Variants in USP13 observed in about 807,000 individuals in gnomAD.
USP13 encodes ubiquitin specific peptidase 13, also known as ubiquitin carboxyl-terminal hydrolase 13.
Under a neutral mutation model 107.8 loss-of-function variants are expected in USP13, and 68 were observed. The observed-to-expected ratio is 0.63, with a 90% confidence interval of 0.52 to 0.77. The LOEUF (loss-of-function observed/expected upper bound fraction) is 0.77, where lower values mean the gene tolerates loss of function less well. Ranked by LOEUF, USP13 falls within the 30% of genes least tolerant of loss-of-function variation. The pLI, the probability that USP13 is intolerant of heterozygous loss-of-function variation, is 0.00. For missense variants in USP13, 945 were observed against 1,093.3 expected, an observed-to-expected ratio of 0.86 and a Z score of 1.91; for synonymous variants, 377 against 389.5, an observed-to-expected ratio of 0.97 and a Z score of 0.38.
intron 10 of USP13, among the ~76,000 whole-genome samples, chr3:179,739,660 C>T (rs1054952275): frequency 2.6e-5 from 4 of 152,070 alleles, no homozygotes; most frequent in Admixed American, 6.5e-5. Flanking sequence ...CGGGTTCAAG[C>T]GATTTTCCTG....
chr3:179,733,468 T>C (rs753105611), intron 10 of USP13, among the ~76,000 whole-genome samples: 84 of 152,220 alleles, frequency 5.5e-4, no homozygotes, highest in Non-Finnish European at 9.0e-4. Context: ...AAGGAATTAG[T>C]TTCTCAGGCA....
At chr3:179,774,701 T>C (rs1237080359) in intron 19 of USP13, among the ~76,000 whole-genome samples, 1 of 152,194 alleles carries the variant, frequency 6.6e-6, no homozygotes, top group Non-Finnish European at 1.5e-5. Flanking sequence ...TTCCACAGTT[T>C]GGAAGGGGAC....
chr3:179,653,484 T>G lies in USP13; in HGVS notation c.168+91T>G, dbSNP rs1413003921. 3 of 1,472,902 alleles carry G rather than the reference T, an allele frequency of 2.0e-6. No homozygotes were observed. The African/African-American group carries it at 4.3e-5, about 21-fold the overall frequency. The allele number at this position is 1,472,902 out of a possible 1,614,324, so 91.2% of individuals were successfully genotyped here. ...AAGATGCGCAGTGGCGGCCGGGACC[T>G]CTTCTCTTCCTCCGGGCGGCAGAGT... On this transcript the variant is annotated intron_variant, in intron 1 of 20. Transcript: ENST00000263966. This position sits in a 1 kb window ranked among gnomAD's most constrained non-coding sequence, Gnocchi z 4.0.
At chr3:179,685,726 A>C (rs886846664) in intron 2 of USP13, among the ~76,000 whole-genome samples, 2 of 152,036 alleles carry the variant, frequency 1.3e-5, no homozygotes, top group Non-Finnish European at 2.9e-5. Flanking sequence ...ATGCTGGTAA[A>C]CTTGTACAGT....
chr3:179,725,959 A>G (rs1713498372), intron 8 of USP13, among the ~76,000 whole-genome samples: 2 of 152,194 alleles, frequency 1.3e-5, no homozygotes, highest in Non-Finnish European at 2.9e-5. Context: ...GGTCCCTCCC[A>G]CCACACATGG....
At chr3:179,727,235 A>G (rs1713559499) in intron 8 of USP13, among the ~76,000 whole-genome samples, 1 of 136,924 alleles carries the variant, frequency 7.3e-6, no homozygotes. Context: ...GCAGGGTCAC[A>G]GGACAATAGT....
At chr3:179,667,273 A>G (rs564387134) in intron 1 of USP13, among the ~76,000 whole-genome samples, 1 of 152,066 alleles carries the variant, frequency 6.6e-6, no homozygotes, top group Admixed American at 6.5e-5. Flanking sequence ...TTTGATGGGA[A>G]CTCTGTTCTG....
chr3:179,720,182 C>A, intron 7 of USP13, 148 bp downstream of exon 7: 1 of 527,758 alleles, frequency 1.9e-6, no homozygotes, highest in Non-Finnish European at 3.1e-6. Flanking sequence ...GCATTTACTT[C>A]TTGCATTTAA....
At chr3:179,682,856 T>C (rs1711713877) in intron 2 of USP13, among the ~76,000 whole-genome samples, 1 of 152,174 alleles carries the variant, frequency 6.6e-6, no homozygotes, top group South Asian at 2.1e-4. Context: ...CAGGCTCATG[T>C]TATGCTTATC....
chr3:179,686,416 G>C (rs1347447460), intron 2 of USP13, among the ~76,000 whole-genome samples: 1 of 152,064 alleles, frequency 6.6e-6, no homozygotes, highest in Non-Finnish European at 1.5e-5. Context: ...ACTCCGTCTT[G>C]ACAAAAAATA....
intron 6 of USP13, among the ~76,000 whole-genome samples, chr3:179,717,711 G>A (rs1017671857): frequency 1.1e-4 from 17 of 152,222 alleles, no homozygotes; most frequent in Admixed American, 1.0e-3. Context: ...CCTTGTCATA[G>A]ATTAAAAATA....
intron 10 of USP13, among the ~76,000 whole-genome samples, chr3:179,734,942 GTGTC>G (rs1713938008): frequency 6.6e-6 from 1 of 152,194 alleles, no homozygotes; most frequent in African/African-American, 2.4e-5. Context: ...ATGGTGGACT[GTGTC>G]TGGCTGTCTG....
At chr3:179,666,560 G>C (rs1386393453) in intron 1 of USP13, among the ~76,000 whole-genome samples, 1 of 152,142 alleles carries the variant, frequency 6.6e-6, no homozygotes, top group Non-Finnish European at 1.5e-5. Context: ...TGTCAATCTG[G>C]AGTGGCCACT....
At chr3:179,668,918 G>A (rs995423753) in intron 1 of USP13, among the ~76,000 whole-genome samples, 7 of 152,184 alleles carry the variant, frequency 4.6e-5, no homozygotes, top group Non-Finnish European at 8.8e-5. Flanking sequence ...CTCTAGAAGC[G>A]AGAATATACT....
intron 3 of USP13, among the ~76,000 whole-genome samples, chr3:179,697,093 GCCA>G (rs773300653): frequency 9.2e-5 from 14 of 152,130 alleles, no homozygotes; most frequent in Non-Finnish European, 2.1e-4. Context: ...CTTCCAAGGA[GCCA>G]CCACTTCACC....
intron 6 of USP13, among the ~76,000 whole-genome samples, chr3:179,716,527 T>C (rs1713118457): frequency 6.6e-6 from 1 of 152,220 alleles, no homozygotes; most frequent in Admixed American, 6.5e-5. Context: ...CTGAATACGA[T>C]GAATGAGTGA....
rs533512365 is a variant in USP13, at chr3:179,670,584, C to T, written c.169-11294C>T. Among the ~76,000 whole-genome samples, 15 of 152,294 alleles carry T rather than the reference C, an allele frequency of 9.8e-5. No homozygotes were observed. The South Asian group carries it at 2.5e-3, about 25-fold the overall frequency. The stretch of plus-strand genomic sequence containing the variant: ...TCCCTGAGGTTACACGCCGTATCAC[C>T]TCTATTTTACTTGTTCCTGAATTTC... On this transcript the variant is annotated intron_variant, in intron 1 of 20. Coordinates refer to ENST00000263966, the MANE Select transcript of USP13 (RefSeq NM_003940.3).
At chr3:179,751,305 A>G (rs1458028168) in intron 13 of USP13, among the ~76,000 whole-genome samples, 5 of 152,174 alleles carry the variant, frequency 3.3e-5, no homozygotes, top group African/African-American at 7.2e-5. Flanking sequence ...GGTAATGTGT[A>G]TTAATTTTAA....
chr3:179,784,003 C>G, intron 20 of USP13, 45 bp from the exon 21 acceptor site: 1 of 1,526,866 alleles, frequency 6.5e-7, no homozygotes, highest in South Asian at 1.2e-5. Flanking sequence ...GTAAAGTTTC[C>G]TGGAACTGAC....
Sources: allele counts gnomAD v4.1 joint callset (sites outside exome capture counted in the v4.1 genomes callset), GRCh38; gene constraint gnomAD v4.1.1; non-coding constraint Gnocchi (gnomAD v3.1); transcripts MANE v1.5; gene names NCBI Gene and HGNC (gene_info 2026-07-23, HGNC 2026-07-21).